Variants in METTL8 observed in about 807,000 individuals in gnomAD.
METTL8 encodes methyltransferase 8, tRNA N3-cytidine, also known as tRNA N(3)-cytidine methyltransferase METTL8, mitochondrial.
Under a neutral mutation model 48.7 loss-of-function variants are expected in METTL8, and 32 were observed. That is an observed-to-expected ratio of 0.66 (90% confidence interval 0.50 to 0.88). The LOEUF (loss-of-function observed/expected upper bound fraction) is 0.88, where lower values mean the gene tolerates loss of function less well. Among genes scored for constraint, METTL8 ranks in the 40% least tolerant of loss-of-function variants. The probability of loss-of-function intolerance (pLI) is 0.00; values close to 1 mark genes in which losing one functional copy is unlikely to be tolerated. For missense variants in METTL8, 464 were observed against 474.4 expected (o/e 0.98, Z 0.20); for synonymous variants, 136 against 157.1 (o/e 0.87, Z 1.01).
intron 1 of METTL8, among the ~76,000 whole-genome samples, chr2:171,405,817 C>G (rs543808623): frequency 1.3e-5 from 2 of 152,062 alleles, no homozygotes; most frequent in African/African-American, 4.8e-5. Flanking sequence ...AGAGTAAGAA[C>G]AGGTGAGTTT....
intron 1 of METTL8, among the ~76,000 whole-genome samples, chr2:171,431,708 T>G (rs1324024503): frequency 6.6e-6 from 1 of 152,154 alleles, no homozygotes; most frequent in Non-Finnish European, 1.5e-5. Context: ...AGCCACCCTA[T>G]GCAACAAGAA....
chr2:171,402,755 C>T (rs1689766627), intron 1 of METTL8, among the ~76,000 whole-genome samples: 1 of 151,982 alleles, frequency 6.6e-6, no homozygotes, highest in Admixed American at 6.6e-5. Flanking sequence ...GGAGAACTGG[C>T]TGATTCTAGG....
At chr2:171,330,399 C>A (rs563460854) in intron 7 of METTL8, among the ~76,000 whole-genome samples, 160 bp downstream of exon 7, 2 of 152,002 alleles carry the variant, frequency 1.3e-5, no homozygotes, top group Admixed American at 6.5e-5. Context: ...TCTAAAAGTA[C>A]GAAGAAAGGA....
intron 3 of METTL8, among the ~76,000 whole-genome samples, chr2:171,351,038 C>CAT (rs1193446360): frequency 6.6e-6 from 1 of 152,174 alleles, no homozygotes; most frequent in African/African-American, 2.4e-5. Flanking sequence ...AGTCCTTGCC[C>CAT]ATGCCTATGT....
chr2:171,385,301 T>C (rs911359641), intron 2 of METTL8, among the ~76,000 whole-genome samples: 4 of 151,180 alleles, frequency 2.6e-5, no homozygotes, highest in African/African-American at 4.9e-5. Context: ...AGTGCCATTG[T>C]ACTTCAGCCT....
intron 7 of METTL8, 79 bp downstream of exon 7, chr2:171,330,480 T>C (rs1685403376): frequency 7.2e-7 from 1 of 1,388,986 alleles, no homozygotes; most frequent in Non-Finnish European, 9.9e-7. Context: ...AAAATTGTCA[T>C]TTTTGCTTTG....
At chr2:171,386,399 G>A (rs1357531321) in intron 2 of METTL8, among the ~76,000 whole-genome samples, 2 of 152,158 alleles carry the variant, frequency 1.3e-5, no homozygotes, top group Non-Finnish European at 2.9e-5. Context: ...AACTACATAC[G>A]TAGTTTTAAA....
intron 1 of METTL8, among the ~76,000 whole-genome samples, chr2:171,419,021 CAA>C (rs58215216): frequency 7.0e-4 from 93 of 132,218 alleles, no homozygotes; most frequent in African/African-American, 2.0e-3. Context: ...GACCCTGTCT[CAA>C]AAAAAAAAAA....
chr2:171,390,647 G>C (rs1358149603), intron 2 of METTL8, among the ~76,000 whole-genome samples: 1 of 152,176 alleles, frequency 6.6e-6, no homozygotes, highest in Non-Finnish European at 1.5e-5. Context: ...AAGAGAACTA[G>C]AATTAAAAGT....
rs183349409 is a variant in METTL8 at position 171,381,939 on chromosome 2, G to A, written c.143+10104C>T. ...TGGGACTACAGGCACGCATCACCAC[G>A]CCCAGCTAATTTTTTTGTATTTTTA... On this transcript the variant is annotated intron_variant, in intron 2 of 9. Coordinates refer to ENST00000375258, the MANE Select transcript of METTL8 (RefSeq NM_001321154.2). Among the ~76,000 whole-genome samples, 253 of 151,994 alleles carry A rather than the reference G, an allele frequency of 1.7e-3. 1 individual carries two copies. The highest frequency in any genetic ancestry group is 6.8e-3 in the Middle Eastern group (2 of 294).
At chr2:171,326,274 A>C in intron 7 of METTL8, 126 bp from the exon 8 acceptor site, 2 of 583,776 alleles carry the variant, frequency 3.4e-6, no homozygotes, top group Non-Finnish European at 3.0e-6. Context: ...AACCATAAAC[A>C]TAAGGGTAAC....
chr2:171,400,950 C>A (rs1321356330), intron 1 of METTL8, among the ~76,000 whole-genome samples: 1 of 152,086 alleles, frequency 6.6e-6, no homozygotes, highest in Non-Finnish European at 1.5e-5. Context: ...TCACTGCAAC[C>A]CCAGGGAGAG....
At chr2:171,392,683 ATCAG>A (rs1470799439) in intron 1 of METTL8, among the ~76,000 whole-genome samples, 5 of 152,208 alleles carry the variant, frequency 3.3e-5, no homozygotes, top group African/African-American at 1.2e-4. Context: ...TAATATGAAA[ATCAG>A]TCAAATAAAT....
At chr2:171,425,385 C>T (rs1236636037) in intron 1 of METTL8, among the ~76,000 whole-genome samples, 1 of 152,268 alleles carries the variant, frequency 6.6e-6, no homozygotes, top group African/African-American at 2.4e-5. Flanking sequence ...TGGATGGGAC[C>T]TGTGAAAATG....
At position 171,426,652 on chromosome 2, in the gene METTL8, G is replaced by A. The variant is rs559062884; in HGVS notation, c.-13+7231C>T. Among the ~76,000 whole-genome samples, 10 of 152,230 alleles carry A rather than the reference G, an allele frequency of 6.6e-5. No individual in the cohort carries two copies. In the South Asian group the frequency reaches 1.2e-3, roughly 19 times the overall value. On this transcript the variant is annotated intron_variant, in intron 1 of 9. Transcript: ENST00000375258. ...AAACCTAAATCTTTCTGAAAACTTC[G>A]TATATGCATTAATATACTGTGTGTT... is the stretch of plus-strand genomic sequence containing the variant.
At chr2:171,353,111 T>A (rs1477262903) in intron 3 of METTL8, among the ~76,000 whole-genome samples, 1 of 152,258 alleles carries the variant, frequency 6.6e-6, no homozygotes, top group African/African-American at 2.4e-5. Context: ...CCTTTAGTGC[T>A]ATAAATTTCC....
At chr2:171,383,233 AC>A (rs1687740939) in intron 2 of METTL8, among the ~76,000 whole-genome samples, 2 of 152,132 alleles carry the variant, frequency 1.3e-5, no homozygotes, top group African/African-American at 4.8e-5. Flanking sequence ...TGGGATATGA[AC>A]CCCATTGAGA....
chr2:171,378,410 G>A (rs1230100716), intron 2 of METTL8, among the ~76,000 whole-genome samples: 1 of 152,102 alleles, frequency 6.6e-6, no homozygotes, highest in African/African-American at 2.4e-5. Context: ...GAGGTGGGTG[G>A]ATCATGAGGT....
chr2:171,401,237 G>T (rs920109587), intron 1 of METTL8, among the ~76,000 whole-genome samples: 1 of 152,064 alleles, frequency 6.6e-6, no homozygotes. Flanking sequence ...AAGCTGACAG[G>T]TAAGAAACAC....
Sources: allele counts gnomAD v4.1 joint callset (sites outside exome capture counted in the v4.1 genomes callset), GRCh38; gene constraint gnomAD v4.1.1; transcripts MANE v1.5; gene names NCBI Gene and HGNC (gene_info 2026-07-23, HGNC 2026-07-21).